The following VPS13B variants were observed in gnomAD, a reference collection of about 807,000 sequenced individuals.
VPS13B encodes vacuolar protein sorting 13 homolog B, also known as intermembrane lipid transfer protein VPS13B.
VPS13B carries 285 observed loss-of-function variants against 426.4 expected under a neutral mutation model. The ratio of observed to expected loss-of-function variants is 0.67; its 90% CI spans 0.61 to 0.74. The LOEUF is 0.74. Ranked by LOEUF, VPS13B falls within the 30% of genes least tolerant of loss-of-function variation. The pLI is 0.00. For synonymous variants in VPS13B, 1,676 were observed against 1,676.4 expected (o/e 1.00, Z 0.01); for missense variants, 4,537 against 4,782.6 (o/e 0.95, Z 1.51).
At position 99,749,060 on chromosome 8, in the gene VPS13B, ATAT is replaced by A. The variant is rs775970752; in HGVS notation, c.7051-17712_7051-17710del. Among the ~76,000 whole-genome samples the A allele has an allele frequency of 6.6e-5, 10 of 151,964 alleles. No homozygotes were observed. The East Asian group carries it at 1.9e-3, about 29-fold the overall frequency. On this transcript the variant is annotated intron_variant, in intron 39 of 61. Transcript: ENST00000357162. ...ATTCATGTTTATCAGATTTAAACAA[ATAT>A]TTTGAAATTCCGAGTAGTTAGAAAA... is the stretch of plus-strand genomic sequence containing the variant.
intron 19 of VPS13B, among the ~76,000 whole-genome samples, chr8:99,318,605 C>T (rs556974702): frequency 1.3e-5 from 2 of 152,072 alleles, no homozygotes; most frequent in African/African-American, 2.4e-5. Flanking sequence ...CTGCAACCTC[C>T]ACCTCCTGGG....
chr8:99,183,199 G>T (rs149681080), intron 16 of VPS13B, among the ~76,000 whole-genome samples: 1 of 152,060 alleles, frequency 6.6e-6, no homozygotes, highest in Non-Finnish European at 1.5e-5. Context: ...TATTGTTGCC[G>T]TTTTCTTCTT....
intron 23 of VPS13B, 40 bp downstream of exon 23, chr8:99,442,675 A>G (rs1817733257): frequency 2.5e-6 from 4 of 1,572,686 alleles, no homozygotes; most frequent in Non-Finnish European, 3.5e-6. Context: ...AATGTTTTAT[A>G]TGGACATTTT....
At chr8:99,394,154 T>C (rs1392550654) in intron 21 of VPS13B, among the ~76,000 whole-genome samples, 1 of 152,184 alleles carries the variant, frequency 6.6e-6, no homozygotes, top group Admixed American at 6.5e-5. Flanking sequence ...ACACATTTTA[T>C]TTTTTAACTA....
chr8:99,140,667 C>T (rs1206568577), intron 12 of VPS13B, among the ~76,000 whole-genome samples: 3 of 137,836 alleles, frequency 2.2e-5, no homozygotes, highest in African/African-American at 2.9e-5. Context: ...CCCTCCTCCC[C>T]GTCCTTCTCC....
chr8:99,709,866 G>C (rs62534607), intron 36 of VPS13B, among the ~76,000 whole-genome samples: 1 of 152,088 alleles, frequency 6.6e-6, no homozygotes, highest in African/African-American at 2.4e-5. Context: ...CAAATTTAAT[G>C]GTTTTTGAGA....
intron 25 of VPS13B, among the ~76,000 whole-genome samples, chr8:99,493,039 T>G (rs1280226682): frequency 6.6e-6 from 1 of 152,216 alleles, no homozygotes; most frequent in African/African-American, 2.4e-5. Flanking sequence ...TTTATCTCCT[T>G]TATTCTCTTA....
At chr8:99,302,562 T>G (rs1588226791) in intron 19 of VPS13B, among the ~76,000 whole-genome samples, 1 of 152,100 alleles carries the variant, frequency 6.6e-6, no homozygotes, top group African/African-American at 2.4e-5. Flanking sequence ...CAGGCTGGAG[T>G]GCAGTGGCAA....
chr8:99,280,410 AC>A (rs1819113525), intron 19 of VPS13B, among the ~76,000 whole-genome samples: 1 of 152,166 alleles, frequency 6.6e-6, no homozygotes, highest in Admixed American at 6.6e-5. Context: ...ATATGTCCTT[AC>A]CACTTGACAG....
chr8:99,369,160 T>C (rs1223040242), intron 19 of VPS13B, among the ~76,000 whole-genome samples: 1 of 152,206 alleles, frequency 6.6e-6, no homozygotes, highest in East Asian at 1.9e-4. Context: ...GCTGTTCCTC[T>C]TTCCCACTAT....
chr8:99,818,885 C>T lies in VPS13B; in HGVS notation c.8618C>T (p.Ala2873Val). Residue 2873 changes from alanine to valine, a missense_variant, in exon 47 of 62, where the codon GCA (alanine) becomes GTA (valine). Around this residue, in one of 2 missense-constraint regions of VPS13B, gnomAD observed 4,311 missense variants for 4,474.3 expected, o/e 0.96. Transcript: ENST00000357162. ...PDLVHHLTFQ[A>V]REEYDPSDCA... is the part of the protein sequence containing the mutation. The stretch of plus-strand genomic sequence containing the variant: ...CTTGTACATCACCTGACATTCCAAG[C>T]AAGGTACTAGAAAAATCCTTCCATA... The T allele has an allele frequency of 6.5e-7, 1 of 1,531,138 alleles. No homozygotes were observed. The highest frequency in any genetic ancestry group is 8.8e-7 in the Non-Finnish European group (1 of 1,135,736). 94.8% of individuals were successfully genotyped at this position (1,531,138 alleles called of 1,614,324 possible).
At chr8:99,407,987 T>C (rs1815423667) in intron 21 of VPS13B, among the ~76,000 whole-genome samples, 1 of 152,208 alleles carries the variant, frequency 6.6e-6, no homozygotes, top group Non-Finnish European at 1.5e-5. Context: ...CTTCAACCTG[T>C]ATTCTTGCCA....
In VPS13B at chr8:99,360,211, T is replaced by TC. The variant is rs1491136306; in HGVS notation, c.2825-23997_2825-23996insC. 4.4e-4 allele frequency among the ~76,000 whole-genome samples: 9 copies of TC among 20,472 alleles called. 1 individual carries two copies. Among genetic ancestry groups the TC allele is most frequent in the East Asian group, 1.5e-3 (2 of 1,356 alleles). 13.4% of individuals were successfully genotyped at this position (20,472 alleles called of 152,430 possible). A position where few individuals can be genotyped will look rare whatever the true frequency, so the allele number is the denominator to read the frequency against. On this transcript the variant is annotated intron_variant, in intron 19 of 61. Coordinates refer to ENST00000357162, the MANE Select transcript of VPS13B (RefSeq NM_152564.5). The stretch of plus-strand genomic sequence containing the variant: ...CTTTCTCTCTCTCTCTCTCTCTCTC[T>TC]TTCTTTCTTTCTTTCTTTCTTTCTC...
chr8:99,232,232 G>A (rs1262134302), intron 17 of VPS13B, among the ~76,000 whole-genome samples: 1 of 152,086 alleles, frequency 6.6e-6, no homozygotes, highest in African/African-American at 2.4e-5. Context: ...GAGAGAGATA[G>A]AGAATTATAT....
intron 25 of VPS13B, among the ~76,000 whole-genome samples, chr8:99,492,352 G>A (rs150306250): frequency 5.7e-4 from 87 of 152,314 alleles, no homozygotes; most frequent in African/African-American, 1.9e-3. Context: ...CAGTCTGTCC[G>A]TTCTCAGAGC....
chr8:99,275,185 C>G lies in VPS13B; in HGVS notation c.2755C>G (p.Leu919Val). The G allele has an allele frequency of 6.2e-7, 1 of 1,613,190 alleles. No homozygotes were observed. Among genetic ancestry groups the G allele is most frequent in the Non-Finnish European group, 8.5e-7 (1 of 1,179,546 alleles). ...WLNESRKPES[L>V]LAPDLMAFTI... ...CAATGAGAGTAGAAAGCCAGAGTCT[C>G]TCTTAGCTCCAGATTTGATGGCCTT... Residue 919 changes from leucine to valine, a missense_variant, in exon 19 of 62, where the codon CTC becomes GTC. By Grantham distance (32) the Leu-to-Val change is conservative. Around this residue, in one of 2 missense-constraint regions of VPS13B, gnomAD observed 4,311 missense variants for 4,474.3 expected, o/e 0.96. Coordinates refer to ENST00000357162, the MANE Select transcript of VPS13B (RefSeq NM_152564.5).
chr8:99,075,729 C>T (rs1416238839), intron 3 of VPS13B, among the ~76,000 whole-genome samples: 1 of 152,070 alleles, frequency 6.6e-6, no homozygotes, highest in Non-Finnish European at 1.5e-5. Context: ...GTTGTAATGT[C>T]GCCATTTTGT....
intron 17 of VPS13B, among the ~76,000 whole-genome samples, chr8:99,254,929 T>C (rs1414944423): frequency 2.0e-5 from 3 of 152,150 alleles, no homozygotes; most frequent in South Asian, 4.1e-4. Context: ...AGAGCCACTC[T>C]TTTTTGAAGT....
chr8:99,408,450 G>A (rs1040256297), intron 21 of VPS13B, among the ~76,000 whole-genome samples: 13 of 152,094 alleles, frequency 8.5e-5, no homozygotes, highest in Admixed American at 5.9e-4. Flanking sequence ...AAGGGTCATG[G>A]TTTTGTTTGT....
Sources: gnomAD v4.1 joint callset for allele counts (sites outside exome capture counted in the v4.1 genomes callset) on GRCh38, gnomAD v4.1.1 for gene constraint, gnomAD v4.1.1 regional missense constraint, MANE v1.5 for transcripts, NCBI Gene and HGNC (gene_info 2026-07-23, HGNC 2026-07-21) for gene names.